Variants in TENT4A observed in about 807,000 individuals in gnomAD.
TENT4A encodes the protein terminal nucleotidyltransferase 4A.
TENT4A carries 7 observed loss-of-function variants against 72.8 expected under a neutral mutation model. That is an observed-to-expected ratio of 0.10 (90% CI 0.05 to 0.18). The LOEUF (loss-of-function observed/expected upper bound fraction) is 0.18. Among genes scored for constraint, TENT4A ranks in the 10% least tolerant of loss-of-function variants. The pLI is 1.00. For synonymous variants in TENT4A, 456 were observed against 434.3 expected (o/e 1.05, Z -0.62); for missense variants, 831 against 1,017.7 (o/e 0.82, Z 2.50).
intron 1 of TENT4A, among the ~76,000 whole-genome samples, chr5:6,737,307 C>G (rs1469089051): frequency 6.6e-6 from 1 of 152,236 alleles, no homozygotes; most frequent in Non-Finnish European, 1.5e-5. Flanking sequence ...TTGGTATTGA[C>G]AAAGTTCAGT....
In TENT4A at chr5:6,714,173, C is replaced by G; in HGVS notation, c.190C>G (p.Leu64Val). The G allele has an allele frequency of 1.0e-6, 1 of 952,554 alleles. No homozygotes were observed. Among genetic ancestry groups the G allele is most frequent in the Non-Finnish European group, 1.2e-6 (1 of 806,796 alleles). The allele number at this position is 952,554 out of a possible 1,614,324, so 59.0% of individuals were successfully genotyped here. ...GGCGGCCGGGCGGGGCAGTGGCGGC[C>G]TGGGCCCCGCGCTGCCCGCCGCGTC... ...AGAAGRGSGG[L>V]GPALPAASPP... is the part of the protein sequence containing the mutation. The change falls in exon 1 of 13, where the codon CTG becomes GTG. Residue 64 changes from leucine to valine, a missense_variant. This residue lies in a region of TENT4A where 302 missense variants were observed against 293.8 expected (regional missense o/e 1.03). Transcript: ENST00000230859.
intron 1 of TENT4A, among the ~76,000 whole-genome samples, chr5:6,727,011 C>A (rs1561029590): frequency 6.6e-6 from 1 of 152,072 alleles, no homozygotes; most frequent in Non-Finnish European, 1.5e-5. Context: ...CTCTGCCTAC[C>A]TTGATCCCCA....
intron 4 of TENT4A, among the ~76,000 whole-genome samples, chr5:6,740,747 A>G (rs2126638124): frequency 6.6e-6 from 1 of 152,370 alleles, no homozygotes; most frequent in East Asian, 1.9e-4. Context: ...CAGAGCGAGC[A>G]GGCAGCACCA....
intron 1 of TENT4A, among the ~76,000 whole-genome samples, chr5:6,732,006 C>T (rs941681580): frequency 1.4e-4 from 21 of 152,140 alleles, no homozygotes; most frequent in Non-Finnish European, 2.4e-4. Context: ...CCTTTTTTGC[C>T]CTTTAGTTCC....
At chr5:6,723,666 G>A (rs1740769802) in intron 1 of TENT4A, among the ~76,000 whole-genome samples, 1 of 152,192 alleles carries the variant, frequency 6.6e-6, no homozygotes, top group East Asian at 1.9e-4. Context: ...TACAAACATG[G>A]TTCAAATATG....
intron 1 of TENT4A, among the ~76,000 whole-genome samples, chr5:6,729,525 G>A (rs940214601): frequency 6.6e-6 from 1 of 152,250 alleles, no homozygotes; most frequent in Non-Finnish European, 1.5e-5. Context: ...GCTTCCAGGC[G>A]CAGTCACGCA....
chr5:6,714,238 C>T lies in TENT4A; in HGVS notation c.255C>T (p.Pro85=). 9.9e-7 allele frequency: 1 copy of T among 1,011,228 alleles called. No individual in the cohort carries two copies. Among genetic ancestry groups the T allele is most frequent in the Non-Finnish European group, 1.2e-6 (1 of 849,342 alleles). 62.6% of individuals were successfully genotyped at this position (1,011,228 alleles called of 1,614,324 possible). A position where few individuals can be genotyped will look rare whatever the true frequency, so the allele number is the denominator to read the frequency against. ...PPGPTAPAAL[P]PALLTALGPA... is the part of the protein sequence containing the mutation. ...GCCCCACCGCGCCCGCCGCGCTGCC[C>T]CCCGCGCTGCTGACGGCGCTGGGGC... The change falls in exon 1 of 13, where the codon CCC becomes CCT. Residue 85 remains proline, a synonymous_variant. Transcript: ENST00000230859.
At chr5:6,738,571 G>A (rs901927318) in intron 2 of TENT4A, 112 bp from the exon 3 acceptor site, 3 of 809,206 alleles carry the variant, frequency 3.7e-6, no homozygotes, top group Non-Finnish European at 6.5e-6. Flanking sequence ...TTCCAAGGTA[G>A]TTTTATTTTT....
At chr5:6,738,211 C>T (rs1017670272) in intron 2 of TENT4A, among the ~76,000 whole-genome samples, 2 of 151,972 alleles carry the variant, frequency 1.3e-5, no homozygotes, top group African/African-American at 2.4e-5. Context: ...GCTGACTGGG[C>T]TCAGTGGACC....
intron 7 of TENT4A, among the ~76,000 whole-genome samples, chr5:6,747,608 A>G (rs1031580033): frequency 6.6e-6 from 1 of 152,204 alleles, no homozygotes; most frequent in African/African-American, 2.4e-5. Context: ...ATGGCAGTGT[A>G]TCATCCATTT....
intron 1 of TENT4A, among the ~76,000 whole-genome samples, chr5:6,735,472 C>T (rs1023427482): frequency 2.6e-5 from 4 of 152,182 alleles, no homozygotes; most frequent in Admixed American, 2.6e-4. Context: ...TGGCCTGTGG[C>T]TCTTCCCTGG....
Position 6,750,405 on chromosome 5 carries a change from C to G in TENT4A, c.1762C>G (p.Pro588Ala). ...EQTQNREPES[P>A]YGQRLTLSLS... Reference sequence around the variant, plus strand: ...GACGCAGAACCGAGAGCCCGAGTCTCCCTATGGCCAGCGCTTGACTTTGTC... The same window carrying G: ...GACGCAGAACCGAGAGCCCGAGTCTGCCTATGGCCAGCGCTTGACTTTGTC... Residue 588 changes from proline (P) to alanine (A), a missense_variant, in exon 10 of 13, where the codon CCC becomes GCC. Coordinates refer to ENST00000230859, the MANE Select transcript of TENT4A (RefSeq NM_006999.6). 4 of 1,613,528 alleles carry G rather than the reference C, an allele frequency of 2.5e-6. No homozygotes were observed. Among genetic ancestry groups the G allele is most frequent in the Non-Finnish European group, 3.4e-6 (4 of 1,179,688 alleles).
chr5:6,744,546 G>T (rs987710463), intron 6 of TENT4A, among the ~76,000 whole-genome samples: 1 of 152,166 alleles, frequency 6.6e-6, no homozygotes, highest in African/African-American at 2.4e-5. Flanking sequence ...TTTGGTCTTT[G>T]TGATTGTGCT....
intron 12 of TENT4A, among the ~76,000 whole-genome samples, 196 bp from the exon 13 acceptor site, chr5:6,754,555 T>G (rs11954138): frequency 2.0e-5 from 3 of 152,170 alleles, no homozygotes; most frequent in Admixed American, 6.5e-5. Flanking sequence ...TGGTACATGG[T>G]TCTTGCCTTT....
At chr5:6,743,333 T>G (rs938087926) in intron 5 of TENT4A, among the ~76,000 whole-genome samples, 10 of 152,152 alleles carry the variant, frequency 6.6e-5, no homozygotes, top group Non-Finnish European at 2.9e-5. Flanking sequence ...CGCTCTGCCT[T>G]CCTTGCCAGC....
Position 6,714,367 on chromosome 5 carries a change from C to T in TENT4A, c.384C>T (p.Cys128=), listed in dbSNP as rs1740249765. The part of the protein sequence containing the change: ...NAESGTESPG[C]SSSSSSSASL... Reference sequence around the variant, plus strand: ...AGTCGGGCACCGAGAGCCCCGGCTGCTCGTCGTCGTCCTCCAGCAGCGCCT... The same window carrying T: ...AGTCGGGCACCGAGAGCCCCGGCTGTTCGTCGTCGTCCTCCAGCAGCGCCT... The change falls in exon 1 of 13, where the codon TGC becomes TGT. Residue 128 remains cysteine (C), a synonymous_variant. Coordinates refer to ENST00000230859, the MANE Select transcript of TENT4A (RefSeq NM_006999.6). The T allele has an allele frequency of 2.6e-6, 3 of 1,138,880 alleles. No individual in the cohort carries two copies. Among genetic ancestry groups the T allele is most frequent in the Non-Finnish European group, 3.2e-6 (3 of 929,142 alleles). The allele number at this position is 1,138,880 out of a possible 1,614,324, so 70.5% of individuals were successfully genotyped here.
intron 1 of TENT4A, among the ~76,000 whole-genome samples, chr5:6,718,028 G>A (rs1010506024): frequency 3.9e-5 from 6 of 152,220 alleles, no homozygotes; most frequent in African/African-American, 1.4e-4. Context: ...TTCAGAGTTT[G>A]GCCTTTCGAA....
In TENT4A at chr5:6,734,071, G is replaced by T. The variant is rs200259834; in HGVS notation, c.717-3439G>T. Among the ~76,000 whole-genome samples, 18 of 150,700 alleles carry T rather than the reference G, an allele frequency of 1.2e-4. 1 individual carries two copies. The East Asian group carries it at 3.5e-3, about 29-fold the overall frequency. On this transcript the variant is annotated intron_variant, in intron 1 of 12. Transcript: ENST00000230859. ...TCAGCAAAATATCTTAGCAAAACTT[G>T]ATTGATTGATTCCATGCACAGGCAA...
intron 7 of TENT4A, 46 bp downstream of exon 7, chr5:6,746,473 G>T: frequency 1.3e-6 from 2 of 1,575,580 alleles, no homozygotes; most frequent in South Asian, 2.2e-5. Context: ...GCCAGCCTCG[G>T]GGACGTGCTG....
Sources: gnomAD v4.1 joint callset for allele counts (sites outside exome capture counted in the v4.1 genomes callset) on GRCh38, gnomAD v4.1.1 for gene constraint, gnomAD v4.1.1 regional missense constraint, MANE v1.5 for transcripts, NCBI Gene and HGNC (gene_info 2026-07-23, HGNC 2026-07-21) for gene names.